Variants in DPP10 observed in about 807,000 individuals in gnomAD.
DPP10 encodes dipeptidyl peptidase like 10.
In DPP10, 33 loss-of-function variants were observed where a neutral mutation model predicts 120.9. The ratio of observed to expected loss-of-function variants is 0.27; its 90% CI spans 0.21 to 0.37. DPP10 has a LOEUF of 0.37. Among genes scored for constraint, DPP10 ranks in the 10% least tolerant of loss-of-function variants. The pLI is 1.00. For synonymous variants in DPP10, 337 were observed against 326.1 expected, an observed-to-expected ratio of 1.03 and a Z score of -0.36; for missense variants, 816 against 942.8, an observed-to-expected ratio of 0.87 and a Z score of 1.76.
Position 115,392,345 on chromosome 2 carries a change from T to C in DPP10, c.271+48433T>C, listed in dbSNP as rs552171907. Among the ~76,000 whole-genome samples, 8 of 152,316 alleles carry C rather than the reference T, an allele frequency of 5.3e-5. No individual in the cohort carries two copies. The East Asian group carries it at 1.5e-3, about 29-fold the overall frequency. On this transcript the variant is annotated intron_variant, in intron 3 of 25. Transcript: ENST00000410059. ...TTGTCTATAACTAGTTTCTTTTAAG[T>C]AGATATGTTCACTTTGATATCATAT...
chr2:115,773,963 A>T (rs930358149), intron 13 of DPP10, among the ~76,000 whole-genome samples: 1 of 152,092 alleles, frequency 6.6e-6, no homozygotes, highest in African/African-American at 2.4e-5. Flanking sequence ...GCCCTGGTAG[A>T]TTAAAAGCAA....
At chr2:114,618,051 C>T (rs575718251) in intron 1 of DPP10, among the ~76,000 whole-genome samples, 10 of 152,132 alleles carry the variant, frequency 6.6e-5, no homozygotes, top group South Asian at 2.1e-4. Flanking sequence ...AATGGGTCCA[C>T]GCAGTGTATT....
chr2:114,914,184 C>T (rs772523268), intron 1 of DPP10, among the ~76,000 whole-genome samples: 3 of 152,130 alleles, frequency 2.0e-5, no homozygotes, highest in East Asian at 1.9e-4. Context: ...CCCAACCTCA[C>T]GTGCAAATCT....
chr2:115,566,826 C>T (rs2081036948), intron 5 of DPP10, among the ~76,000 whole-genome samples: 1 of 152,166 alleles, frequency 6.6e-6, no homozygotes, highest in Non-Finnish European at 1.5e-5. Context: ...GTCTCTAGCT[C>T]TTTATTATAA....
At chr2:115,318,546 T>C (rs1426543414) in intron 2 of DPP10, among the ~76,000 whole-genome samples, 1 of 152,120 alleles carries the variant, frequency 6.6e-6, no homozygotes, top group Non-Finnish European at 1.5e-5. Flanking sequence ...GTGTTCCAAC[T>C]CATAAATATG....
intron 1 of DPP10, chr2:114,835,520 G>A (rs757594452): frequency 1.1e-4 from 17 of 152,206 alleles, no homozygotes; most frequent in Non-Finnish European, 2.5e-4. Flanking sequence ...AAATAAATAC[G>A]TGTTTGTTTT....
At chr2:114,477,720 TATAC>T (rs1377281630) in intron 1 of DPP10, among the ~76,000 whole-genome samples, 1 of 105,094 alleles carries the variant, frequency 9.5e-6, no homozygotes, top group Non-Finnish European at 2.4e-5. Context: ...TATATATATA[TATAC>T]ATATATACAC....
intron 5 of DPP10, among the ~76,000 whole-genome samples, chr2:115,592,558 C>G (rs186465437): frequency 6.9e-6 from 1 of 145,782 alleles, no homozygotes; most frequent in African/African-American, 2.6e-5. Context: ...CATGGTGAAA[C>G]CCCGTCTCTG....
At chr2:115,837,836 G>T (rs951293044) in intron 24 of DPP10, among the ~76,000 whole-genome samples, 5 of 144,866 alleles carry the variant, frequency 3.5e-5, no homozygotes, top group African/African-American at 1.3e-4. Context: ...AACTGTTGGG[G>T]TAATCAAAAA....
At chr2:114,452,285 T>C (rs1678326012) in intron 1 of DPP10, among the ~76,000 whole-genome samples, 1 of 152,116 alleles carries the variant, frequency 6.6e-6, no homozygotes, top group African/African-American at 2.4e-5. Flanking sequence ...TTCTTCCTCA[T>C]TCTCTGATTA....
At chr2:115,611,603 C>T (rs898843150) in intron 5 of DPP10, among the ~76,000 whole-genome samples, 6 of 152,066 alleles carry the variant, frequency 3.9e-5, no homozygotes, top group Admixed American at 2.0e-4. Context: ...GGATTTCCTC[C>T]GTGCTTCATC....
intron 19 of DPP10, among the ~76,000 whole-genome samples, chr2:115,803,840 C>A (rs1389299237): frequency 6.6e-6 from 1 of 152,118 alleles, no homozygotes; most frequent in Non-Finnish European, 1.5e-5. Flanking sequence ...GTAACCCGAC[C>A]TTTCTCTCTG....
At chr2:115,007,412 A>G (rs1158287029) in intron 1 of DPP10, among the ~76,000 whole-genome samples, 3 of 151,946 alleles carry the variant, frequency 2.0e-5, no homozygotes, top group Non-Finnish European at 4.4e-5. Flanking sequence ...TTAAGTATTG[A>G]TGGGACATAT....
At chr2:115,764,118 T>G (rs1680428400) in intron 12 of DPP10, among the ~76,000 whole-genome samples, 1 of 150,918 alleles carries the variant, frequency 6.6e-6, no homozygotes. Context: ...CACACAATTA[T>G]TGCTATGATT....
rs116809339 is a variant in DPP10, at chr2:114,816,779, A to T, written c.60+373941A>T. Among the ~76,000 whole-genome samples the T allele has an allele frequency of 9.8e-3, 1,495 of 152,322 alleles. 21 individuals carry two copies. Among genetic ancestry groups the T allele is most frequent in the African/African-American group, 0.034 (1,421 of 41,574 alleles). ...ATTACCCAAAGAATAAAATTCCAGAAGGAAAATTCTGAATTTTAGTGATAG... is the reference window on the plus strand; with the variant it reads ...ATTACCCAAAGAATAAAATTCCAGATGGAAAATTCTGAATTTTAGTGATAG... On this transcript the variant is annotated intron_variant, in intron 1 of 25. Transcript: ENST00000410059.
At chr2:114,526,470 A>G (rs1328677020) in intron 1 of DPP10, among the ~76,000 whole-genome samples, 1 of 152,244 alleles carries the variant, frequency 6.6e-6, no homozygotes, top group Non-Finnish European at 1.5e-5. Context: ...TGGAAAAGGT[A>G]TGGTAATAAT....
intron 1 of DPP10, among the ~76,000 whole-genome samples, chr2:114,880,331 T>G (rs917474668): frequency 2.0e-5 from 3 of 152,144 alleles, no homozygotes; most frequent in Admixed American, 6.6e-5. Flanking sequence ...GTAATCACAT[T>G]TTTATTCTAT....
chr2:114,950,526 C>T (rs965724148), intron 1 of DPP10, among the ~76,000 whole-genome samples: 2 of 151,238 alleles, frequency 1.3e-5, no homozygotes, highest in African/African-American at 2.4e-5. Context: ...AGGATGGTCT[C>T]GATCTCCTGA....
intron 3 of DPP10, chr2:115,468,854 A>G (rs577996469): frequency 1.7e-5 from 7 of 412,752 alleles, no homozygotes; most frequent in African/African-American, 1.4e-4. Context: ...AGACTGGAGC[A>G]CTCAAGACTG....
Sources: allele counts gnomAD v4.1 joint callset (sites outside exome capture counted in the v4.1 genomes callset), GRCh38; gene constraint gnomAD v4.1.1; transcripts MANE v1.5; gene names NCBI Gene and HGNC (gene_info 2026-07-23, HGNC 2026-07-21).